Variants in CENPP observed in about 807,000 individuals in gnomAD.
CENPP encodes the protein centromere protein P.
Under a neutral mutation model 35.6 loss-of-function variants are expected in CENPP, and 24 were observed. The observed-to-expected ratio is 0.67, with a 90% CI of 0.49 to 0.95. The LOEUF is 0.95. Ranked by LOEUF, CENPP falls within the 40% of genes least tolerant of loss-of-function variation. The pLI, the probability that CENPP is intolerant of heterozygous loss-of-function variation, is 0.00. For synonymous variants in CENPP, 120 were observed against 125.5 expected, an observed-to-expected ratio of 0.96 and a Z score of 0.29; for missense variants, 332 against 345.3, an observed-to-expected ratio of 0.96 and a Z score of 0.31.
intron 5 of CENPP, among the ~76,000 whole-genome samples, chr9:92,486,423 A>T (rs1846059056): frequency 6.6e-6 from 1 of 152,236 alleles, no homozygotes; most frequent in African/African-American, 2.4e-5. Flanking sequence ...TGTTTGGAGC[A>T]TATAGTATTT....
intron 5 of CENPP, among the ~76,000 whole-genome samples, chr9:92,506,897 A>AT (rs1275664372): frequency 1.3e-5 from 2 of 151,832 alleles, no homozygotes; most frequent in Admixed American, 1.3e-4. Context: ...CTTTTTTTAC[A>AT]TTTTTTAAAT....
intron 5 of CENPP, among the ~76,000 whole-genome samples, chr9:92,531,842 A>G (rs1848773506): frequency 1.3e-5 from 2 of 151,892 alleles, no homozygotes; most frequent in South Asian, 4.1e-4. Context: ...ATTTTTGTTT[A>G]CCTGAAAGGA....
chr9:92,596,623 T>C (rs1850790705), intron 5 of CENPP, among the ~76,000 whole-genome samples: 1 of 151,980 alleles, frequency 6.6e-6, no homozygotes, highest in African/African-American at 2.4e-5. Context: ...ATCAAGTACA[T>C]TGGAAAGTAG....
At chr9:92,510,084 A>G (rs1418099303) in intron 5 of CENPP, 2 of 1,548,832 alleles carry the variant, frequency 1.3e-6, no homozygotes, top group Non-Finnish European at 1.7e-6. Flanking sequence ...ACAGCTGTGC[A>G]GTCACATTTC....
Position 92,541,405 on chromosome 9 carries a change from C to T in CENPP, c.565-69909C>T, listed in dbSNP as rs1351010455. On this transcript the variant is annotated intron_variant, in intron 5 of 7. Transcript: ENST00000375587. ...ATTCTACTGCAACCTCCACTGCCAC[C>T]CCCCTTCCCCCTCCCCACCCCGCCC... Among the ~76,000 whole-genome samples, 2 of 91,702 alleles carry T rather than the reference C, an allele frequency of 2.2e-5. 1 individual carries two copies. Among genetic ancestry groups the T allele is most frequent in the Non-Finnish European group, 4.3e-5 (2 of 46,290 alleles). The allele number at this position is 91,702 out of a possible 152,430, so 60.2% of individuals were successfully genotyped here.
At chr9:92,557,599 T>G (rs190957309) in intron 5 of CENPP, among the ~76,000 whole-genome samples, 7 of 152,296 alleles carry the variant, frequency 4.6e-5, no homozygotes, top group Admixed American at 4.6e-4. Context: ...TTTCTTCTAC[T>G]TGTTCAGTTC....
intron 4 of CENPP, among the ~76,000 whole-genome samples, chr9:92,359,383 T>A (rs1841680086): frequency 6.6e-6 from 1 of 152,148 alleles, no homozygotes; most frequent in South Asian, 2.1e-4. Context: ...TTGTTATTGT[T>A]ATTATTTATT....
At chr9:92,585,082 G>C (rs1250268905) in intron 5 of CENPP, among the ~76,000 whole-genome samples, 2 of 152,218 alleles carry the variant, frequency 1.3e-5, no homozygotes. Flanking sequence ...AGAGGAAGCA[G>C]GGAGATTTCC....
At chr9:92,350,133 T>C (rs1052291154) in intron 4 of CENPP, among the ~76,000 whole-genome samples, 1 of 152,256 alleles carries the variant, frequency 6.6e-6, no homozygotes, top group South Asian at 2.1e-4. Context: ...AATTTTGGAA[T>C]CTTTATCCTA....
intron 5 of CENPP, among the ~76,000 whole-genome samples, chr9:92,425,038 A>G (rs545541441): frequency 7.2e-5 from 11 of 152,360 alleles, no homozygotes; most frequent in South Asian, 6.2e-4. Flanking sequence ...CAGTACTTCT[A>G]TTTGTTAAAA....
intron 5 of CENPP, among the ~76,000 whole-genome samples, chr9:92,387,111 G>A (rs1842462305): frequency 1.4e-5 from 2 of 147,418 alleles, no homozygotes; most frequent in South Asian, 4.5e-4. Flanking sequence ...GGTGGCTCAC[G>A]CCTGTAATCC....
chr9:92,443,776 C>T (rs1844482630), intron 5 of CENPP, among the ~76,000 whole-genome samples: 2 of 152,074 alleles, frequency 1.3e-5, no homozygotes, highest in African/African-American at 2.4e-5. Context: ...TCCCCTGCCT[C>T]AGCCTCCCAA....
intron 5 of CENPP, among the ~76,000 whole-genome samples, chr9:92,540,588 T>C (rs1849294793): frequency 6.6e-6 from 1 of 150,720 alleles, no homozygotes; most frequent in African/African-American, 2.4e-5. Flanking sequence ...CTGGCCAACA[T>C]AGTGAAACCC....
intron 5 of CENPP, among the ~76,000 whole-genome samples, chr9:92,467,586 T>C (rs78303623): frequency 0.031 from 4,729 of 152,320 alleles, 113 homozygotes; most frequent in South Asian, 0.083. Context: ...ATTCATTCAT[T>C]TTATGATTTT....
rs546255089 is a variant in CENPP, at chr9:92,425,539, G to T, written c.564+45680G>T. 9.9e-5 allele frequency among the ~76,000 whole-genome samples: 15 copies of T among 152,232 alleles called. 1 individual carries two copies. The highest frequency in any genetic ancestry group is 3.1e-4 in the African/African-American group (13 of 41,534). ...TGGCAGTAGATTCGGAGTTCATTTT[G>T]GGGGGGAATTCTTTTAAGCTTTTAC... On this transcript the variant is annotated intron_variant, in intron 5 of 7. Transcript: ENST00000375587.
At chr9:92,581,389 A>G (rs1008283831) in intron 5 of CENPP, among the ~76,000 whole-genome samples, 3 of 152,152 alleles carry the variant, frequency 2.0e-5, no homozygotes, top group African/African-American at 2.4e-5. Context: ...TCCAAAATAT[A>G]TATATATAAA....
At chr9:92,588,011 G>A (rs975372108) in intron 5 of CENPP, among the ~76,000 whole-genome samples, 3 of 151,582 alleles carry the variant, frequency 2.0e-5, no homozygotes, top group Non-Finnish European at 2.9e-5. Flanking sequence ...ATGGTGGTAG[G>A]CACCTGTCAT....
At chr9:92,348,831 A>G (rs1377175103) in intron 4 of CENPP, among the ~76,000 whole-genome samples, 1 of 152,244 alleles carries the variant, frequency 6.6e-6, no homozygotes, top group East Asian at 1.9e-4. Context: ...AGGTTTAAAG[A>G]TAAAAAACAT....
At position 92,619,821 on chromosome 9, in the gene CENPP, C is replaced by T. The variant is rs776924667; in HGVS notation, c.*6672C>T. 4 of 523,524 alleles carry T rather than the reference C, an allele frequency of 7.6e-6. No individual in the cohort carries two copies. Among genetic ancestry groups the T allele is most frequent in the Non-Finnish European group, 1.4e-5 (4 of 287,700 alleles). 32.4% of individuals were successfully genotyped at this position (523,524 alleles called of 1,614,324 possible). Reference sequence around the variant, plus strand: ...CCTCTCACGGCAAGCAGTGTGGGACCCCGACTCCAGACCCTGAGACGGATG... The same window carrying T: ...CCTCTCACGGCAAGCAGTGTGGGACTCCGACTCCAGACCCTGAGACGGATG... On this transcript the variant is annotated 3_prime_UTR_variant, in exon 8 of 8. Transcript: ENST00000375587.
Sources: gnomAD v4.1 joint callset for allele counts (sites outside exome capture counted in the v4.1 genomes callset) on GRCh38, gnomAD v4.1.1 for gene constraint, MANE v1.5 for transcripts, NCBI Gene and HGNC (gene_info 2026-07-23, HGNC 2026-07-21) for gene names.